CYP2C18: variants seen among roughly 807,000 people sequenced by gnomAD.
CYP2C18 encodes cytochrome P450 2C18.
Under a neutral mutation model 41.3 loss-of-function variants are expected in CYP2C18, and 38 were observed. The ratio of observed to expected loss-of-function variants is 0.92; its 90% CI spans 0.71 to 1.21. The LOEUF (loss-of-function observed/expected upper bound fraction) is 1.21. CYP2C18 is among the 50% of genes most tolerant of loss of function. CYP2C18 has a pLI of 0.00. For missense variants in CYP2C18, 635 were observed against 591.4 expected (o/e 1.07, Z -0.77); for synonymous variants, 236 against 210.0 (o/e 1.12, Z -1.07).
chr10:94,734,207 C>A (rs2134212996), intron 8 of CYP2C18, among the ~76,000 whole-genome samples: 2 of 152,148 alleles, frequency 1.3e-5, no homozygotes, highest in Admixed American at 1.3e-4. Flanking sequence ...GGATAGTCTG[C>A]AATAATTCCA....
At chr10:94,728,739 CT>C (rs796776949) in intron 7 of CYP2C18, 11,365 of 251,798 alleles carry the variant, frequency 0.045, 2 homozygotes, top group Non-Finnish European at 0.063. Context: ...ATTCTCCTCA[CT>C]TTTTTTTTTT....
intron 8 of CYP2C18, 188 bp downstream of exon 8, chr10:94,733,626 T>C: frequency 1.8e-5 from 18 of 983,518 alleles, no homozygotes; most frequent in Non-Finnish European, 2.1e-5. Flanking sequence ...TAGTGGGGCT[T>C]TGGGGAGTTG....
intron 5 of CYP2C18, among the ~76,000 whole-genome samples, chr10:94,717,926 GC>G (rs1319861921): frequency 1.3e-5 from 2 of 151,906 alleles, no homozygotes; most frequent in African/African-American, 4.8e-5. Flanking sequence ...TATTGCCTTG[GC>G]TATTTGGGTA....
At chr10:94,699,997 A>C (rs1847203640) in intron 4 of CYP2C18, among the ~76,000 whole-genome samples, 1 of 152,214 alleles carries the variant, frequency 6.6e-6, no homozygotes, top group Non-Finnish European at 1.5e-5. Context: ...CAAATGGAGG[A>C]ACATTTCTTG....
chr10:94,731,571 T>G (rs181946542), intron 7 of CYP2C18, among the ~76,000 whole-genome samples: 1 of 152,182 alleles, frequency 6.6e-6, no homozygotes, highest in Admixed American at 6.5e-5. Context: ...CAAACTATGC[T>G]ATAAGGCTAC....
At chr10:94,721,860 T>A (rs181024884) in intron 6 of CYP2C18, among the ~76,000 whole-genome samples, 1 of 152,026 alleles carries the variant, frequency 6.6e-6, no homozygotes, top group Non-Finnish European at 1.5e-5. Context: ...GAATACTAGA[T>A]GCAGATTTTT....
At chr10:94,731,022 T>C (rs1037273640) in intron 7 of CYP2C18, among the ~76,000 whole-genome samples, 4 of 152,154 alleles carry the variant, frequency 2.6e-5, no homozygotes, top group African/African-American at 9.7e-5. Flanking sequence ...AAAGAAATCA[T>C]AGATGACAAA....
At chr10:94,684,894 G>T (rs1257084525) in intron 1 of CYP2C18, among the ~76,000 whole-genome samples, 1 of 152,002 alleles carries the variant, frequency 6.6e-6, no homozygotes, top group East Asian at 1.9e-4. Context: ...TCTATGAGTT[G>T]TGATGAGTTA....
In CYP2C18 at chr10:94,683,997, C is replaced by G. The variant is rs747534681; in HGVS notation, c.168+10C>G. 2 of 1,582,196 alleles carry G rather than the reference C, an allele frequency of 1.3e-6. No homozygotes were observed. The highest frequency in any genetic ancestry group is 1.7e-5 in the Admixed American group (1 of 57,568). Reference sequence around the variant, plus strand: ...CAAATCCTTAACCAATGTAAGTATGCTTTATGTTCCTCCAGTAATGTACAA... The same window carrying G: ...CAAATCCTTAACCAATGTAAGTATGGTTTATGTTCCTCCAGTAATGTACAA... On this transcript the variant is annotated intron_variant, in intron 1 of 8. Coordinates refer to ENST00000285979, the MANE Select transcript of CYP2C18 (RefSeq NM_000772.3).
intron 7 of CYP2C18, among the ~76,000 whole-genome samples, chr10:94,732,705 G>A (rs948893582): frequency 6.6e-6 from 1 of 151,922 alleles, no homozygotes; most frequent in Non-Finnish European, 1.5e-5. Flanking sequence ...ATTAACGCAG[G>A]AACAGAAAAC....
intron 5 of CYP2C18, among the ~76,000 whole-genome samples, chr10:94,713,152 T>A (rs1202374299): frequency 6.6e-6 from 1 of 152,104 alleles, no homozygotes; most frequent in Non-Finnish European, 1.5e-5. Flanking sequence ...TTAATATGTT[T>A]TTCTTCCAAT....
At chr10:94,711,563 A>G (rs1298821429) in intron 5 of CYP2C18, among the ~76,000 whole-genome samples, 1 of 152,130 alleles carries the variant, frequency 6.6e-6, no homozygotes, top group East Asian at 1.9e-4. Context: ...GCACATCACC[A>G]TGCCCAGATA....
chr10:94,729,248 C>T (rs568973367), intron 7 of CYP2C18, among the ~76,000 whole-genome samples: 211 of 152,106 alleles, frequency 1.4e-3, no homozygotes, highest in African/African-American at 4.7e-3. Flanking sequence ...TTTTAAGTTC[C>T]GAATACCACA....
At chr10:94,708,470 A>T (rs957778186) in intron 5 of CYP2C18, among the ~76,000 whole-genome samples, 1 of 152,176 alleles carries the variant, frequency 6.6e-6, no homozygotes, top group African/African-American at 2.4e-5. Flanking sequence ...TGTAAGGTCT[A>T]TGGTGTTTCA....
chr10:94,710,683 C>G lies in CYP2C18; in HGVS notation c.819+3723C>G, dbSNP rs984967061. On this transcript the variant is annotated intron_variant, in intron 5 of 8. Coordinates refer to ENST00000285979, the MANE Select transcript of CYP2C18 (RefSeq NM_000772.3). ...ATAAGTGCTCTACTCTCCTTCCTGGCTTTGGTGTAATTTTGAGTTGATAAG... is the reference window on the plus strand; with the variant it reads ...ATAAGTGCTCTACTCTCCTTCCTGGGTTTGGTGTAATTTTGAGTTGATAAG... Among the ~76,000 whole-genome samples the G allele has an allele frequency of 1.5e-4, 23 of 152,114 alleles. 1 individual carries two copies. The highest frequency in any genetic ancestry group is 5.6e-4 in the African/African-American group (23 of 41,436).
rs557519232 is a variant in CYP2C18 at position 94,722,569 on chromosome 10, G to C, written c.962-1777G>C. Among the ~76,000 whole-genome samples the C allele has an allele frequency of 4.5e-4, 68 of 152,248 alleles. 1 individual carries two copies. The highest frequency in any genetic ancestry group is 1.5e-3 in the African/African-American group (61 of 41,562). On this transcript the variant is annotated intron_variant, in intron 6 of 8. Coordinates refer to ENST00000285979, the MANE Select transcript of CYP2C18 (RefSeq NM_000772.3). ...CAACCTAAGGGTCATAAGAATTTCT[G>C]TTGCTATAGTCCCCATAAGGCTGAG...
intron 3 of CYP2C18, among the ~76,000 whole-genome samples, chr10:94,692,054 G>C (rs184074786): frequency 0.025 from 3,836 of 152,076 alleles, 149 homozygotes; most frequent in African/African-American, 0.075. Context: ...AATGTTAGAC[G>C]TAAAACCATA....
At position 94,706,897 on chromosome 10, in the gene CYP2C18, A is replaced by G. The variant is rs370229405; in HGVS notation, c.756A>G (p.Gln252=). The stretch of plus-strand genomic sequence containing the variant: ...TATTGGAGAGAATAAAAGAACATCA[A>G]GAATCCCTGGACATGAACAGTGCTC... ...SYVLERIKEH[Q]ESLDMNSARD... is the part of the protein sequence containing the mutation. Residue 252 remains glutamine, a synonymous_variant, in exon 5 of 9, where the codon CAA becomes CAG. Coordinates refer to ENST00000285979, the MANE Select transcript of CYP2C18 (RefSeq NM_000772.3). 1.6e-5 allele frequency: 25 copies of G among 1,612,848 alleles called. No homozygotes were observed. The highest frequency in any genetic ancestry group is 2.0e-5 in the Non-Finnish European group (24 of 1,179,460).
intron 8 of CYP2C18, 73 bp from the exon 9 acceptor site, chr10:94,735,190 T>C: frequency 7.1e-7 from 1 of 1,412,750 alleles, no homozygotes; most frequent in East Asian, 2.3e-5. Context: ...TATCAAATAG[T>C]TACTGCATAC....
Sources: gnomAD v4.1 joint callset for allele counts (sites outside exome capture counted in the v4.1 genomes callset) on GRCh38, gnomAD v4.1.1 for gene constraint, MANE v1.5 for transcripts, NCBI Gene and HGNC (gene_info 2026-07-23, HGNC 2026-07-21) for gene names.